The following ABHD2 variants were observed in gnomAD, a reference collection of about 807,000 sequenced individuals.
The protein encoded by ABHD2 is abhydrolase domain containing 2, acylglycerol lipase.
A neutral mutation model predicts 48.1 loss-of-function variants in ABHD2; 20 were observed. The ratio of observed to expected loss-of-function variants is 0.42; its 90% confidence interval spans 0.29 to 0.60. ABHD2 has a LOEUF of 0.60. ABHD2 is among the 20% of genes least tolerant of loss of function. The pLI, the probability that ABHD2 is intolerant of heterozygous loss-of-function variation, is 0.24. For missense variants in ABHD2, 405 were observed against 550.9 expected, an observed-to-expected ratio of 0.74 and a Z score of 2.65; for synonymous variants, 209 against 214.2, an observed-to-expected ratio of 0.98 and a Z score of 0.21.
chr15:89,124,778 C>T (rs975659744), intron 3 of ABHD2, among the ~76,000 whole-genome samples: 1 of 152,074 alleles, frequency 6.6e-6, no homozygotes, highest in Non-Finnish European at 1.5e-5. Flanking sequence ...ATGGTGAAAC[C>T]CCGTTTCTAC....
chr15:89,052,859 C>T, the ABHD2 span, among the ~76,000 whole-genome samples: 1 of 152,148 alleles, frequency 6.6e-6, no homozygotes, highest in East Asian at 1.9e-4. Context: ...TGCCTTTCAC[C>T]TTTCTCCAAG....
chr15:89,056,307 T>C, the ABHD2 span, among the ~76,000 whole-genome samples: 1 of 152,178 alleles, frequency 6.6e-6, no homozygotes, highest in Non-Finnish European at 1.5e-5. Context: ...GCATTGGAGA[T>C]ATTTGCTTAG....
At chr15:89,056,191 G>T in the ABHD2 span, among the ~76,000 whole-genome samples, 3 of 152,056 alleles carry the variant, frequency 2.0e-5, no homozygotes, top group Admixed American at 2.0e-4. Flanking sequence ...AAATGGAGGT[G>T]GGAATCCCTC....
In ABHD2 at chr15:89,167,442, C is replaced by T. The variant is rs552778362; in HGVS notation, c.539-8370C>T. 3.9e-5 allele frequency among the ~76,000 whole-genome samples: 6 copies of T among 152,254 alleles called. No homozygotes were observed. The highest frequency in any genetic ancestry group is 2.1e-4 in the South Asian group (1 of 4,828). On this transcript the variant is annotated intron_variant, in intron 5 of 10. Transcript: ENST00000352732. The surrounding 1 kb of genome is among the most constrained non-coding windows in gnomAD (Gnocchi z 5.5). ...ATCGTAGTAAAACACCTGGCAAGAT[C>T]GTCTGCTGAGAGCCAGGGGCCAGGA... is the stretch of plus-strand genomic sequence containing the variant.
At chr15:89,133,399 C>A (rs2050251279) in intron 3 of ABHD2, among the ~76,000 whole-genome samples, 1 of 152,160 alleles carries the variant, frequency 6.6e-6, no homozygotes, top group African/African-American at 2.4e-5. Context: ...AGGATAAACT[C>A]CTAGAGGTGG....
In ABHD2 at chr15:89,168,066, A is replaced by G. The variant is rs2050863804; in HGVS notation, c.539-7746A>G. ...GACTCAGAGTCTCCATCCACAAGGA[A>G]CACCAAGTCTCGAGTCCCTGTATTT... On this transcript the variant is annotated intron_variant, in intron 5 of 10. Transcript: ENST00000352732. The surrounding 1 kb of genome is among the most constrained non-coding windows in gnomAD (Gnocchi z 4.8). Among the ~76,000 whole-genome samples the G allele has an allele frequency of 6.6e-6, 1 of 152,230 alleles. No homozygotes were observed. Among genetic ancestry groups the G allele is most frequent in the Admixed American group, 6.5e-5 (1 of 15,282 alleles).
At chr15:89,067,872 T>C in the ABHD2 span, among the ~76,000 whole-genome samples, 1 of 152,192 alleles carries the variant, frequency 6.6e-6, no homozygotes, top group Non-Finnish European at 1.5e-5. Flanking sequence ...ACTCACAGCC[T>C]GATGCCTGTA....
intron 3 of ABHD2, among the ~76,000 whole-genome samples, chr15:89,138,636 A>G (rs1305551330): frequency 6.6e-6 from 1 of 152,200 alleles, no homozygotes; most frequent in Admixed American, 6.5e-5. Flanking sequence ...GTTTTTTTTC[A>G]AAGACCTGTG....
intron 3 of ABHD2, among the ~76,000 whole-genome samples, chr15:89,129,381 G>T (rs1422980860): frequency 6.6e-6 from 1 of 152,114 alleles, no homozygotes; most frequent in Non-Finnish European, 1.5e-5. Flanking sequence ...GAAGAATGAG[G>T]GCTGACCAAA....
chr15:89,055,431 A>T, the ABHD2 span, among the ~76,000 whole-genome samples: 1 of 149,556 alleles, frequency 6.7e-6, no homozygotes, highest in East Asian at 2.0e-4. Flanking sequence ...GACTCAAGCG[A>T]TCCTCTCTCT....
chr15:89,084,016 C>T (rs1596048425), upstream of ABHD2, among the ~76,000 whole-genome samples: 1 of 152,280 alleles, frequency 6.6e-6, no homozygotes, highest in South Asian at 2.1e-4. The surrounding 1 kb of genome is among the most constrained non-coding windows in gnomAD (Gnocchi z 4.4). Context: ...GTCATGACTG[C>T]AGGAATACTT....
the ABHD2 span, among the ~76,000 whole-genome samples, chr15:89,064,036 C>T: frequency 6.6e-6 from 1 of 151,898 alleles, no homozygotes; most frequent in Non-Finnish European, 1.5e-5. Context: ...CCCCTGACAA[C>T]CACCATTCTG....
rs770147235 is a variant in ABHD2, at chr15:89,166,407, C to T, written c.539-9405C>T. ...TTAGACATCAAGCTGTGAGGAAGTA[C>T]GTGAAATCACAGCATTGAATTCTCT... On this transcript the variant is annotated intron_variant, in intron 5 of 10. Transcript: ENST00000352732. The surrounding 1 kb of genome is among the most constrained non-coding windows in gnomAD (Gnocchi z 4.6). 9.9e-5 allele frequency among the ~76,000 whole-genome samples: 15 copies of T among 152,238 alleles called. No individual in the cohort carries two copies. Among genetic ancestry groups the T allele is most frequent in the South Asian group, 4.1e-4 (2 of 4,824 alleles).
Position 89,100,986 on chromosome 15 carries a change from A to G in ABHD2, c.-107+12423A>G, listed in dbSNP as rs919530174. The stretch of plus-strand genomic sequence containing the variant: ...AATAAGCTCATGTCAGTTGGAGAAT[A>G]CCATAGACAATTTTGTTGCATTGTA... On this transcript the variant is annotated intron_variant, in intron 1 of 10. Transcript: ENST00000352732. This position sits in a 1 kb window ranked among gnomAD's most constrained non-coding sequence, Gnocchi z 4.4. 2.0e-5 allele frequency among the ~76,000 whole-genome samples: 3 copies of G among 152,222 alleles called. No homozygotes were observed. The highest frequency in any genetic ancestry group is 4.4e-5 in the Non-Finnish European group (3 of 68,036).
In ABHD2 at chr15:89,132,657, C is replaced by T. The variant is rs373599294; in HGVS notation, c.194+16136C>T. The stretch of plus-strand genomic sequence containing the variant: ...AGAGGACTCTGAATATGCATTTCAT[C>T]TTTCATAGTTTTGAAAGCCATTATC... On this transcript the variant is annotated intron_variant, in intron 3 of 10. Transcript: ENST00000352732. Among the ~76,000 whole-genome samples the T allele has an allele frequency of 3.9e-4, 59 of 152,320 alleles. 1 individual carries two copies. In the South Asian group the frequency reaches 0.012, roughly 32 times the overall value.
At chr15:89,070,445 T>G in the ABHD2 span, among the ~76,000 whole-genome samples, 1 of 152,150 alleles carries the variant, frequency 6.6e-6, no homozygotes, top group Non-Finnish European at 1.5e-5. Context: ...CATCAGACAT[T>G]AAGTCCAAGA....
intron 5 of ABHD2, among the ~76,000 whole-genome samples, chr15:89,171,783 A>G (rs2050932338): frequency 6.6e-6 from 1 of 152,168 alleles, no homozygotes; most frequent in African/African-American, 2.4e-5. Flanking sequence ...TGAGCTGGAG[A>G]GAGCCTCGTT....
chr15:89,156,018 C>T (rs1289871506), intron 5 of ABHD2, among the ~76,000 whole-genome samples: 5 of 151,886 alleles, frequency 3.3e-5, no homozygotes, highest in Non-Finnish European at 5.9e-5. Flanking sequence ...CGTCTTTCGA[C>T]GAATGCTTCT....
intron 3 of ABHD2, among the ~76,000 whole-genome samples, chr15:89,138,616 C>G (rs538791578): frequency 5.9e-5 from 9 of 152,174 alleles, no homozygotes; most frequent in African/African-American, 2.2e-4. Flanking sequence ...ACATGCAAAA[C>G]GAAAGAAATG....
Sources: gnomAD v4.1 joint callset for allele counts (sites outside exome capture counted in the v4.1 genomes callset) on GRCh38, gnomAD v4.1.1 for gene constraint, Gnocchi (gnomAD v3.1) non-coding constraint, MANE v1.5 for transcripts, NCBI Gene and HGNC (gene_info 2026-07-23, HGNC 2026-07-21) for gene names.